SETD5: variants seen among roughly 807,000 people sequenced by gnomAD.
SETD5 encodes SET domain containing 5.
A neutral mutation model predicts 153.3 loss-of-function variants in SETD5; 44 were observed. The ratio of observed to expected loss-of-function variants is 0.29; its 90% CI spans 0.23 to 0.37. The LOEUF is 0.37. Among genes scored for constraint, SETD5 ranks in the 10% least tolerant of loss-of-function variants. The pLI is 1.00. For missense variants in SETD5, 1,544 were observed against 1,768.0 expected, an observed-to-expected ratio of 0.87 and a Z score of 2.27; for synonymous variants, 716 against 645.2, an observed-to-expected ratio of 1.11 and a Z score of -1.66.
At chr3:9,410,305 T>A (rs2036360219) in intron 1 of SETD5, among the ~76,000 whole-genome samples, 1 of 152,200 alleles carries the variant, frequency 6.6e-6, no homozygotes, top group Admixed American at 6.5e-5. Flanking sequence ...GTAGGGCAGC[T>A]CCATTACAGT....
chr3:9,398,128 C>T (rs909735036), intron 1 of SETD5, among the ~76,000 whole-genome samples, 151 bp downstream of exon 1: 3 of 151,916 alleles, frequency 2.0e-5, no homozygotes, highest in East Asian at 3.9e-4. Flanking sequence ...TTCTCACCCC[C>T]CTCGCCGCCT....
chr3:9,398,289 C>G (rs750503724), intron 1 of SETD5: 1 of 152,130 alleles, frequency 6.6e-6, no homozygotes, highest in Non-Finnish European at 1.5e-5. Flanking sequence ...ACTGCCTACT[C>G]CACGTTTACC....
At chr3:9,401,456 T>C (rs999648003) in intron 1 of SETD5, among the ~76,000 whole-genome samples, 1 of 152,242 alleles carries the variant, frequency 6.6e-6, no homozygotes, top group African/African-American at 2.4e-5. Context: ...ACTTAAGTTA[T>C]ACCCTTGAAA....
intron 1 of SETD5, among the ~76,000 whole-genome samples, chr3:9,411,950 A>T (rs1040372147): frequency 4.6e-5 from 7 of 152,174 alleles, no homozygotes; most frequent in Admixed American, 3.3e-4. Context: ...ACATTTAAAA[A>T]TTTAATAAAG....
At chr3:9,424,275 T>G (rs1322034861) in intron 1 of SETD5, among the ~76,000 whole-genome samples, 192 bp from the exon 2 acceptor site, 1 of 152,160 alleles carries the variant, frequency 6.6e-6, no homozygotes, top group Non-Finnish European at 1.5e-5. Context: ...GTTTCTGGCT[T>G]TATGGAAAAA....
At chr3:9,403,302 C>A in intron 1 of SETD5, among the ~76,000 whole-genome samples, 1 of 152,140 alleles carries the variant, frequency 6.6e-6, no homozygotes, top group Middle Eastern at 3.4e-3. Flanking sequence ...TAAAATAAAT[C>A]CCACACTCTG....
intron 19 of SETD5, among the ~76,000 whole-genome samples, chr3:9,472,634 ATATT>A (rs1245711810): frequency 6.6e-6 from 1 of 152,168 alleles, no homozygotes; most frequent in African/African-American, 2.4e-5. Context: ...AAATTTGAAC[ATATT>A]TAAGTATCCT....
intron 1 of SETD5, 197 bp downstream of exon 1, chr3:9,398,174 A>T (rs2034011670): frequency 6.7e-6 from 1 of 149,854 alleles, no homozygotes; most frequent in African/African-American, 2.5e-5. Flanking sequence ...TTTCCCAGGG[A>T]GAGAGATCCC....
chr3:9,473,343 A>C lies in SETD5; in HGVS notation c.3303A>C (p.Gln1101His). 1 of 1,613,976 alleles carries C rather than the reference A, an allele frequency of 6.2e-7. No individual in the cohort carries two copies. Among genetic ancestry groups the C allele is most frequent in the Non-Finnish European group, 8.5e-7 (1 of 1,179,884 alleles). ...QSKSKSAGAG[Q>H]GSSNSVSDTG... ...AAAGCAAGTCTGCAGGAGCTGGGCA[A>C]GGCAGCAGTAACTCCGTTTCCGACA... Residue 1101 changes from glutamine (Q) to histidine (H), a missense_variant, in exon 20 of 23, where the codon CAA (glutamine) becomes CAC (histidine). Coordinates refer to ENST00000402198, the MANE Select transcript of SETD5 (RefSeq NM_001080517.3).
At chr3:9,474,080 GGAAA>G (rs1330333508) in intron 20 of SETD5, among the ~76,000 whole-genome samples, 1 of 152,106 alleles carries the variant, frequency 6.6e-6, no homozygotes, top group Admixed American at 6.5e-5. Flanking sequence ...AATAAGTCTG[GGAAA>G]GAACAGTCCT....
intron 2 of SETD5, among the ~76,000 whole-genome samples, chr3:9,427,482 G>T (rs1441481851): frequency 6.6e-6 from 1 of 152,186 alleles, no homozygotes; most frequent in African/African-American, 2.4e-5. Flanking sequence ...GCCAGGAGGC[G>T]GAGGTTGTAG....
chr3:9,397,858 G>C lies in SETD5; in HGVS notation c.-296G>C, dbSNP rs980843864. 1 of 130,560 alleles carries C rather than the reference G, an allele frequency of 7.7e-6. No individual in the cohort carries two copies. The highest frequency in any genetic ancestry group is 1.6e-5 in the Non-Finnish European group (1 of 63,988). 8.1% of individuals were successfully genotyped at this position (130,560 alleles called of 1,614,324 possible). On this transcript the variant is annotated 5_prime_UTR_variant, in exon 1 of 23. Transcript: ENST00000402198. The stretch of plus-strand genomic sequence containing the variant: ...CCCCCCACCCCCACCTCACGGGTAC[G>C]GGCCATTCCCGGCCAGGAAACGCCG...
In SETD5 at chr3:9,434,995, A is replaced by C. The variant is rs566072900; in HGVS notation, c.388+113A>C. On this transcript the variant is annotated intron_variant, in intron 6 of 22. Transcript: ENST00000402198. This position sits in a 1 kb window ranked among gnomAD's most constrained non-coding sequence, Gnocchi z 5.6. ...CGCAGTGGCTTACGCCTGTAATCTC[A>C]CCACTTAGGGAGGCCAAAGCGGGCG... is the stretch of plus-strand genomic sequence containing the variant. 1.0e-3 allele frequency: 1,245 copies of C among 1,240,688 alleles called. No homozygotes were observed. Among genetic ancestry groups the C allele is most frequent in the Non-Finnish European group, 1.3e-3 (1,132 of 903,410 alleles). The allele number at this position is 1,240,688 out of a possible 1,614,324, so 76.9% of individuals were successfully genotyped here.
At chr3:9,454,774 G>C (rs2043032886) in intron 17 of SETD5, among the ~76,000 whole-genome samples, 1 of 151,880 alleles carries the variant, frequency 6.6e-6, no homozygotes, top group African/African-American at 2.4e-5. Context: ...GAAAGCACTT[G>C]TGATATCTTA....
chr3:9,452,145 A>G (rs1424689947), intron 16 of SETD5, among the ~76,000 whole-genome samples: 1 of 152,120 alleles, frequency 6.6e-6, no homozygotes, highest in Admixed American at 6.5e-5. Context: ...TCCTGTTCTG[A>G]TTTTATGTTC....
At chr3:9,446,450 A>G (rs1012826047) in intron 13 of SETD5, among the ~76,000 whole-genome samples, 4 of 151,258 alleles carry the variant, frequency 2.6e-5, no homozygotes. Context: ...TTCTACTTTT[A>G]TGCTGAAACC....
At position 9,470,639 on chromosome 3, in the gene SETD5, C is replaced by G; in HGVS notation, c.2905C>G (p.Leu969Val). 1 of 1,613,964 alleles carries G rather than the reference C, an allele frequency of 6.2e-7. No individual in the cohort carries two copies. Among genetic ancestry groups the G allele is most frequent in the Non-Finnish European group, 8.5e-7 (1 of 1,179,890 alleles). The change falls in exon 19 of 23, where the codon CTC becomes GTC. Residue 969 changes from leucine (L) to valine (V), a missense_variant. Transcript: ENST00000402198. ...PSRSGDGHQTLVRNSDQAFRT... is the reference protein window; with the variant it reads ...PSRSGDGHQTVVRNSDQAFRT... ...CAGAAGTGGAGATGGACATCAGACC[C>G]TCGTGAGAAACTCAGACCAGGCATT...
rs2042187649 is a variant in SETD5 at position 9,447,771 on chromosome 3, G to A, written c.1868G>A (p.Arg623Lys). 6.2e-7 allele frequency: 1 copy of A among 1,613,996 alleles called. No homozygotes were observed. Among genetic ancestry groups the A allele is most frequent in the Non-Finnish European group, 8.5e-7 (1 of 1,179,884 alleles). Residue 623 changes from arginine (R) to lysine (K), a missense_variant, in exon 15 of 23, where the codon AGG becomes AAG. Around this residue, in one of 9 missense-constraint regions of SETD5, gnomAD observed 782 missense variants for 787.2 expected, o/e 0.99. Coordinates refer to ENST00000402198, the MANE Select transcript of SETD5 (RefSeq NM_001080517.3). ...PRPKSRISRY[R>K]TSSAQRLKRQ... ...CCGAAGAGTCGAATTTCTCGGTACAGGACCAGTTCAGCCCAAAGACTAAAG... is the reference window on the plus strand; with the variant it reads ...CCGAAGAGTCGAATTTCTCGGTACAAGACCAGTTCAGCCCAAAGACTAAAG...
At chr3:9,464,287 T>G in intron 17 of SETD5, 138 bp from the exon 18 acceptor site, 1 of 1,144,048 alleles carries the variant, frequency 8.7e-7, no homozygotes, top group East Asian at 2.4e-5. Flanking sequence ...GGATTTTGGT[T>G]GGATTGGAGG....
Sources: gnomAD v4.1 joint callset for allele counts (sites outside exome capture counted in the v4.1 genomes callset) on GRCh38, gnomAD v4.1.1 for gene constraint, gnomAD v4.1.1 regional missense constraint, Gnocchi (gnomAD v3.1) non-coding constraint, MANE v1.5 for transcripts, NCBI Gene and HGNC (gene_info 2026-07-23, HGNC 2026-07-21) for gene names.